RPA1: variants seen among roughly 807,000 people sequenced by gnomAD.
RPA1 encodes replication protein A 70 kDa DNA-binding subunit.
RPA1 carries 49 observed loss-of-function variants against 83.0 expected under a neutral mutation model. The ratio of observed to expected loss-of-function variants is 0.59; its 90% CI spans 0.47 to 0.75. RPA1 has a LOEUF of 0.75. Ranked by LOEUF, RPA1 falls within the 30% of genes least tolerant of loss-of-function variation. The probability of loss-of-function intolerance (pLI) is 0.00; values close to 1 mark genes in which losing one functional copy is unlikely to be tolerated. For synonymous variants in RPA1, 279 were observed against 281.8 expected (o/e 0.99, Z 0.10); for missense variants, 693 against 776.1 (o/e 0.89, Z 1.27).
At position 1,879,003 on chromosome 17, in the gene RPA1, G is replaced by T; in HGVS notation, c.701G>T (p.Arg234Leu). The T allele has an allele frequency of 1.2e-6, 2 of 1,614,162 alleles. No individual in the cohort carries two copies. Among genetic ancestry groups the T allele is most frequent in the East Asian group, 2.2e-5 (1 of 44,886 alleles). Residue 234 changes from arginine (R) to leucine (L), a missense_variant, in exon 9 of 17, where the codon CGA (arginine) becomes CTA (leucine). By Grantham distance (102) the Arg-to-Leu change is moderately radical. Transcript: ENST00000254719. The stretch of plus-strand genomic sequence containing the variant: ...CACGTGCTTCTGCAGGGTGAAATCC[G>T]AGCTACAGCTTTCAATGAGCAAGTG... Reference protein sequence around the residue: ...LELVDESGEIRATAFNEQVDK... With the variant: ...LELVDESGEILATAFNEQVDK...
chr17:1,871,848 G>A (rs1014034362), intron 5 of RPA1, among the ~76,000 whole-genome samples: 9 of 152,056 alleles, frequency 5.9e-5, no homozygotes, highest in Admixed American at 2.0e-4. Context: ...CAGTTCACCA[G>A]CACTTCATGG....
intron 16 of RPA1, among the ~76,000 whole-genome samples, chr17:1,895,578 A>G (rs1276365616): frequency 6.6e-6 from 1 of 151,908 alleles, no homozygotes; most frequent in Non-Finnish European, 1.5e-5. Context: ...TTTCTAAGTC[A>G]GTCAGTCAGT....
intron 6 of RPA1, among the ~76,000 whole-genome samples, chr17:1,875,409 G>T (rs755810353): frequency 6.6e-6 from 1 of 152,110 alleles, no homozygotes; most frequent in Admixed American, 6.6e-5. Flanking sequence ...CTTTGACCTC[G>T]GGGCTGACAT....
chr17:1,872,015 C>A, intron 5 of RPA1: 1 of 173,882 alleles, frequency 5.8e-6, no homozygotes, highest in Non-Finnish European at 1.3e-5. Flanking sequence ...TTAGGTTTTT[C>A]TTACCACCCA....
chr17:1,883,032 A>T (rs1913854512), intron 12 of RPA1, among the ~76,000 whole-genome samples: 1 of 152,058 alleles, frequency 6.6e-6, no homozygotes. Context: ...TCTTCAGTAG[A>T]CTTTGGGCCA....
At chr17:1,880,790 C>A (rs1227218670) in intron 12 of RPA1, 99 bp downstream of exon 12, 6 of 1,498,730 alleles carry the variant, frequency 4.0e-6, no homozygotes, top group South Asian at 1.2e-5. Flanking sequence ...CAGAAGCCTT[C>A]GTCCCTGAGT....
At position 1,858,539 on chromosome 17, in the gene RPA1, C is replaced by T. The variant is rs183849733; in HGVS notation, c.361+5350C>T. On this transcript the variant is annotated intron_variant, in intron 5 of 16. Coordinates refer to ENST00000254719, the MANE Select transcript of RPA1 (RefSeq NM_002945.5). Reference sequence around the variant, plus strand: ...AGTGCAGTGGCACAATCTCGGCTCACTGCAGCCTCCGCCTCCCGGGTTCAA... The same window carrying T: ...AGTGCAGTGGCACAATCTCGGCTCATTGCAGCCTCCGCCTCCCGGGTTCAA... 4.1e-6 allele frequency: 3 copies of T among 723,592 alleles called. No individual in the cohort carries two copies. The East Asian group carries it at 7.9e-5, about 19-fold the overall frequency. 44.8% of individuals were successfully genotyped at this position (723,592 alleles called of 1,614,324 possible). A position where few individuals can be genotyped will look rare whatever the true frequency, so the allele number is the denominator to read the frequency against.
intron 4 of RPA1, among the ~76,000 whole-genome samples, chr17:1,846,311 CTT>C (rs71150823): frequency 3.2e-4 from 24 of 75,794 alleles, no homozygotes; most frequent in East Asian, 8.8e-4. Context: ...GGAAGCTTTG[CTT>C]TTTTTTTTTT....
intron 1 of RPA1, among the ~76,000 whole-genome samples, chr17:1,830,929 C>A (rs533223855): frequency 1.3e-5 from 2 of 151,976 alleles, no homozygotes; most frequent in African/African-American, 2.4e-5. Context: ...CCACACTCGG[C>A]TACTTTTTGT....
chr17:1,836,421 A>G (rs1245225177), intron 1 of RPA1, among the ~76,000 whole-genome samples: 5 of 151,868 alleles, frequency 3.3e-5, no homozygotes. Flanking sequence ...AATTGCACGT[A>G]TTTTAAATGT....
intron 12 of RPA1, among the ~76,000 whole-genome samples, chr17:1,882,658 C>G (rs1416507842): frequency 6.6e-6 from 1 of 152,206 alleles, no homozygotes. Flanking sequence ...AAGCAAGACT[C>G]TGTCTCAAAA....
intron 5 of RPA1, among the ~76,000 whole-genome samples, chr17:1,855,380 G>T (rs1912655094): frequency 6.6e-6 from 1 of 151,132 alleles, no homozygotes; most frequent in Admixed American, 6.6e-5. Context: ...GTAGAGACAG[G>T]GTTTTGCCAT....
At chr17:1,896,962 G>A (rs746897839) in intron 16 of RPA1, 109 bp from the exon 17 acceptor site, 14 of 852,030 alleles carry the variant, frequency 1.6e-5, no homozygotes, top group Admixed American at 2.0e-5. Context: ...CTCTGAACCC[G>A]TGCGTCTGTT....
chr17:1,888,712 T>G lies in RPA1; in HGVS notation c.1412T>G (p.Leu471Arg), dbSNP rs908636007. ...YFSSVATVVY[L>R]RKENCMYQAC... Reference sequence around the variant, plus strand: ...AGTTCTGTGGCCACAGTGGTGTATCTTCGCAAAGAGAACTGCATGTACCAA... The same window carrying G: ...AGTTCTGTGGCCACAGTGGTGTATCGTCGCAAAGAGAACTGCATGTACCAA... The change falls in exon 14 of 17, where the codon CTT becomes CGT. Residue 471 changes from leucine (L) to arginine (R), a missense_variant. Leu to Arg is a moderately radical substitution (Grantham distance 102, BLOSUM62 -2). Coordinates refer to ENST00000254719, the MANE Select transcript of RPA1 (RefSeq NM_002945.5). 1 of 1,614,164 alleles carries G rather than the reference T, an allele frequency of 6.2e-7. No homozygotes were observed. Among genetic ancestry groups the G allele is most frequent in the Non-Finnish European group, 8.5e-7 (1 of 1,180,000 alleles).
intron 5 of RPA1, among the ~76,000 whole-genome samples, chr17:1,867,276 G>A (rs1437577452): frequency 6.6e-6 from 1 of 152,182 alleles, no homozygotes; most frequent in African/African-American, 2.4e-5. Flanking sequence ...TTTGGATGCA[G>A]TCAGGACAAG....
intron 14 of RPA1, chr17:1,891,594 A>AT: frequency 8.4e-6 from 2 of 239,086 alleles, no homozygotes; most frequent in Admixed American, 1.1e-4. Context: ...TAATTTTTGT[A>AT]TTTTTCGTAG....
chr17:1,875,089 A>G (rs540215306), intron 6 of RPA1, among the ~76,000 whole-genome samples: 1 of 152,324 alleles, frequency 6.6e-6, no homozygotes, highest in African/African-American at 2.4e-5. Context: ...CACTTAACAT[A>G]TCTTGACCAA....
intron 1 of RPA1, among the ~76,000 whole-genome samples, chr17:1,836,666 GT>G (rs777094179): frequency 0.012 from 1,723 of 144,784 alleles, 35 homozygotes; most frequent in African/African-American, 0.039. Context: ...TCTTTCAGCA[GT>G]TTTTTTTTTT....
At chr17:1,833,794 C>T (rs936149457) in intron 1 of RPA1, among the ~76,000 whole-genome samples, 5 of 147,116 alleles carry the variant, frequency 3.4e-5, no homozygotes, top group African/African-American at 8.0e-5. Context: ...ATAGAGGTTC[C>T]GGTAAGCCAA....
Sources: gnomAD v4.1 joint callset for allele counts (sites outside exome capture counted in the v4.1 genomes callset) on GRCh38, gnomAD v4.1.1 for gene constraint, MANE v1.5 for transcripts, NCBI Gene and HGNC (gene_info 2026-07-23, HGNC 2026-07-21) for gene names.